EFCAB14: variants seen among roughly 807,000 people sequenced by gnomAD.
EFCAB14 encodes EF-hand calcium-binding domain-containing protein 14.
A neutral mutation model predicts 56.5 loss-of-function variants in EFCAB14; 43 were observed. That is an observed-to-expected ratio of 0.76 (90% CI 0.60 to 0.98). The LOEUF is 0.98. Ranked by LOEUF, EFCAB14 falls within the 50% of genes least tolerant of loss-of-function variation. The pLI is 0.00. For missense variants in EFCAB14, 538 were observed against 580.3 expected (o/e 0.93, Z 0.75); for synonymous variants, 235 against 212.9 (o/e 1.10, Z -0.90).
intron 3 of EFCAB14, among the ~76,000 whole-genome samples, chr1:46,698,123 G>C (rs1025693280): frequency 5.3e-5 from 8 of 152,114 alleles, no homozygotes; most frequent in Non-Finnish European, 1.0e-4. Flanking sequence ...AAAGTGCTGG[G>C]ATTACAGGCA....
Position 46,717,778 on chromosome 1 carries a change from C to CT in EFCAB14, c.185+124dup, listed in dbSNP as rs1209351739. On this transcript the variant is annotated intron_variant, in intron 1 of 10. Transcript: ENST00000371933. ...CTTCTCCCTAAAACCGTTTTTCCCT[C>CT]TTTGACTTCCAAGGCCTACACCCTT... The CT allele has an allele frequency of 1.6e-5, 16 of 1,027,230 alleles. No homozygotes were observed. The South Asian group carries it at 2.4e-4, about 15-fold the overall frequency. The allele number at this position is 1,027,230 out of a possible 1,614,324, so 63.6% of individuals were successfully genotyped here.
chr1:46,681,663 G>GTTTTTTTTT (rs10654448), intron 10 of EFCAB14, among the ~76,000 whole-genome samples: 1 of 149,224 alleles, frequency 6.7e-6, no homozygotes, highest in Non-Finnish European at 1.5e-5. Context: ...GAAGAGTTCT[G>GTTTTTTTTT]TTTTTTTTTT....
chr1:46,698,034 T>C (rs1194429432), intron 3 of EFCAB14, among the ~76,000 whole-genome samples: 1 of 152,020 alleles, frequency 6.6e-6, no homozygotes, highest in African/African-American at 2.4e-5. Context: ...GCATTTTTAG[T>C]AAAGATAGGG....
intron 4 of EFCAB14, among the ~76,000 whole-genome samples, chr1:46,692,784 T>C (rs1169714921): frequency 2.0e-5 from 3 of 152,256 alleles, no homozygotes; most frequent in Non-Finnish European, 4.4e-5. Context: ...TTACATGTAG[T>C]GTATACTGAG....
At chr1:46,683,909 A>G (rs571157114) in intron 9 of EFCAB14, among the ~76,000 whole-genome samples, 50 of 152,296 alleles carry the variant, frequency 3.3e-4, no homozygotes, top group African/African-American at 1.2e-3. Context: ...AATTCAAGAG[A>G]GTTTGTACTG....
In EFCAB14 at chr1:46,717,924, C is replaced by T. The variant is rs1326230892; in HGVS notation, c.164G>A (p.Gly55Glu). The T allele has an allele frequency of 1.9e-6, 3 of 1,613,736 alleles. No homozygotes were observed. The highest frequency in any genetic ancestry group is 1.7e-5 in the Admixed American group (1 of 60,006). ...SEEEEEFGVV[G>E]NRSRFAKGDY... Reference sequence around the variant, plus strand: ...TCACTTGGCAAAGCGAGAGCGATTTCCAACCACACCGAATTCCTCTTCCTC... The same window carrying T: ...TCACTTGGCAAAGCGAGAGCGATTTTCAACCACACCGAATTCCTCTTCCTC... Residue 55 changes from glycine (G) to glutamate (E), a missense_variant, in exon 1 of 11, where the codon GGA becomes GAA. Transcript: ENST00000371933.
chr1:46,717,624 G>C (rs777862637), intron 1 of EFCAB14, among the ~76,000 whole-genome samples: 12 of 152,074 alleles, frequency 7.9e-5, no homozygotes, highest in Non-Finnish European at 1.5e-4. Context: ...TCCATTCTTT[G>C]CTTCTTTAGG....
At chr1:46,710,831 CGT>C (rs1385683443) in intron 2 of EFCAB14, among the ~76,000 whole-genome samples, 4 of 152,130 alleles carry the variant, frequency 2.6e-5, no homozygotes, top group Admixed American at 2.0e-4. Context: ...GGATTACAGG[CGT>C]GAGTTACCAT....
chr1:46,716,118 C>T (rs768122894), intron 2 of EFCAB14, among the ~76,000 whole-genome samples, 177 bp downstream of exon 2: 4 of 151,902 alleles, frequency 2.6e-5, no homozygotes, highest in Non-Finnish European at 5.9e-5. Flanking sequence ...GGTGTGGTGG[C>T]ACACACCTGT....
chr1:46,690,706 A>C (rs1176047843), intron 5 of EFCAB14, among the ~76,000 whole-genome samples: 1 of 152,196 alleles, frequency 6.6e-6, no homozygotes, highest in East Asian at 1.9e-4. Context: ...AGCGGCAGTT[A>C]GAACCAGAAC....
At chr1:46,707,210 ACTTTT>A (rs1261233345) in intron 3 of EFCAB14, among the ~76,000 whole-genome samples, 1 of 152,206 alleles carries the variant, frequency 6.6e-6, no homozygotes, top group African/African-American at 2.4e-5. Context: ...CTGGTACTTG[ACTTTT>A]CTTTTCTACA....
Position 46,686,813 on chromosome 1 carries a change from T to A in EFCAB14, c.1045A>T (p.Thr349Ser), listed in dbSNP as rs746009501. The change falls in exon 8 of 11, where the codon ACA (threonine) becomes TCA (serine). Residue 349 changes from threonine (T) to serine (S), a missense_variant. Transcript: ENST00000371933. ...RQSLDQVTNRTDTVKIQSIKK... is the reference protein window; with the variant it reads ...RQSLDQVTNRSDTVKIQSIKK... ...ATGCTTTGGATTTTTACTGTATCTGTTCTGTTGGTGACTTGATCCAAAGAC... is the reference window on the plus strand; with the variant it reads ...ATGCTTTGGATTTTTACTGTATCTGATCTGTTGGTGACTTGATCCAAAGAC... 4 of 1,613,832 alleles carry A rather than the reference T, an allele frequency of 2.5e-6. No homozygotes were observed. The highest frequency in any genetic ancestry group is 3.4e-6 in the Non-Finnish European group (4 of 1,179,862).
chr1:46,711,472 C>A (rs969126386), intron 2 of EFCAB14, among the ~76,000 whole-genome samples: 2 of 152,054 alleles, frequency 1.3e-5, no homozygotes, highest in African/African-American at 2.4e-5. Flanking sequence ...GCTGACCAGC[C>A]CTGAAAATAT....
chr1:46,713,732 CCTAA>C (rs1481733275), intron 2 of EFCAB14, among the ~76,000 whole-genome samples: 1 of 152,036 alleles, frequency 6.6e-6, no homozygotes, highest in African/African-American at 2.4e-5. Context: ...GAACTACAAG[CCTAA>C]CTAACTACAG....
intron 3 of EFCAB14, among the ~76,000 whole-genome samples, chr1:46,699,778 C>T (rs1677129527): frequency 6.6e-6 from 1 of 152,222 alleles, no homozygotes; most frequent in Non-Finnish European, 1.5e-5. Context: ...ACTTCCCCTT[C>T]CCTAGAGTGT....
At chr1:46,714,464 C>T (rs976939008) in intron 2 of EFCAB14, among the ~76,000 whole-genome samples, 6 of 150,520 alleles carry the variant, frequency 4.0e-5, no homozygotes, top group South Asian at 2.1e-4. Context: ...ATGTTAAATT[C>T]GGTCAAAGCT....
chr1:46,698,845 G>T (rs957466178), intron 3 of EFCAB14, among the ~76,000 whole-genome samples: 4 of 152,334 alleles, frequency 2.6e-5, no homozygotes, highest in Non-Finnish European at 5.9e-5. Context: ...ATAGGCAGGG[G>T]TGTGTAAGCA....
At chr1:46,691,319 GTTCCAT>G (rs1207999047) in intron 5 of EFCAB14, among the ~76,000 whole-genome samples, 3 of 152,172 alleles carry the variant, frequency 2.0e-5, no homozygotes, top group Non-Finnish European at 4.4e-5. Context: ...GGGTGGTGCT[GTTCCAT>G]GTGTTGTAGG....
intron 3 of EFCAB14, among the ~76,000 whole-genome samples, chr1:46,700,346 A>C (rs558490124): frequency 3.3e-4 from 51 of 152,348 alleles, no homozygotes; most frequent in Admixed American, 9.8e-4. Flanking sequence ...GCAATTCTAC[A>C]TAAGGACTCC....
Sources: gnomAD v4.1 joint callset for allele counts (sites outside exome capture counted in the v4.1 genomes callset) on GRCh38, gnomAD v4.1.1 for gene constraint, MANE v1.5 for transcripts, NCBI Gene and HGNC (gene_info 2026-07-23, HGNC 2026-07-21) for gene names.